The following LPIN1 variants were observed in gnomAD, a reference collection of about 807,000 sequenced individuals.
The protein encoded by LPIN1 is lipin 1, also known as phosphatidate phosphatase LPIN1.
A neutral mutation model predicts 107.5 loss-of-function variants in LPIN1; 71 were observed. That is an observed-to-expected ratio of 0.66 (90% CI 0.55 to 0.80). The LOEUF (loss-of-function observed/expected upper bound fraction) is 0.80. Among genes scored for constraint, LPIN1 ranks in the 30% least tolerant of loss-of-function variants. LPIN1 has a pLI of 0.00. For synonymous variants in LPIN1, 445 were observed against 452.6 expected (o/e 0.98, Z 0.21); for missense variants, 1,043 against 1,160.6 (o/e 0.90, Z 1.47).
chr2:11,678,212 A>G (rs929719562), intron 1 of LPIN1, among the ~76,000 whole-genome samples: 1 of 152,186 alleles, frequency 6.6e-6, no homozygotes, highest in African/African-American at 2.4e-5. Context: ...GTGGACCCCA[A>G]AGCCAGCGGC....
chr2:11,727,616 C>G (rs182862434), intron 1 of LPIN1, among the ~76,000 whole-genome samples: 187 of 152,298 alleles, frequency 1.2e-3, no homozygotes, highest in Non-Finnish European at 2.3e-3. Flanking sequence ...TACACACATG[C>G]ACCTCTACTT....
chr2:11,788,190 A>G (rs1674996597), intron 11 of LPIN1, among the ~76,000 whole-genome samples, 197 bp from the exon 12 acceptor site: 1 of 152,176 alleles, frequency 6.6e-6, no homozygotes, highest in African/African-American at 2.4e-5. Context: ...CTGGGCCCTC[A>G]ACTGGCCGCT....
intron 1 of LPIN1, among the ~76,000 whole-genome samples, chr2:11,708,668 G>C (rs60118851): frequency 0.24 from 36,365 of 152,034 alleles, 4,552 homozygotes; most frequent in South Asian, 0.29. Context: ...TGGCCAGTTA[G>C]GTACCCTTGC....
chr2:11,789,189 G>A (rs950130484), intron 12 of LPIN1, among the ~76,000 whole-genome samples: 8 of 152,208 alleles, frequency 5.3e-5, no homozygotes, highest in African/African-American at 1.7e-4. Context: ...TGTTGCCGTC[G>A]GTCAGCCAGT....
At chr2:11,736,362 T>C (rs1665793127) in intron 1 of LPIN1, among the ~76,000 whole-genome samples, 1 of 152,234 alleles carries the variant, frequency 6.6e-6, no homozygotes, top group South Asian at 2.1e-4. Context: ...TGATGTCCAC[T>C]TTCCTTGGCT....
intron 1 of LPIN1, among the ~76,000 whole-genome samples, chr2:11,688,909 A>C (rs1558718725): frequency 6.6e-6 from 1 of 152,210 alleles, no homozygotes; most frequent in Non-Finnish European, 1.5e-5. Flanking sequence ...TGGTGAAGCA[A>C]GACGGGATCA....
At chr2:11,785,172 T>C (rs1185384417) in intron 10 of LPIN1, 96 bp downstream of exon 10, 2 of 946,428 alleles carry the variant, frequency 2.1e-6, no homozygotes, top group Admixed American at 2.9e-5. Flanking sequence ...AGGCAGCTTT[T>C]CCCTTGGTTG....
intron 10 of LPIN1, among the ~76,000 whole-genome samples, chr2:11,785,739 C>G (rs1674456151): frequency 6.6e-6 from 1 of 152,176 alleles, no homozygotes; most frequent in Non-Finnish European, 1.5e-5. Flanking sequence ...TTCCCTCTAC[C>G]TCTCAGGAGC....
rs77911316 is a variant in LPIN1, at chr2:11,812,255, T to A, written c.2250-2833T>A. On this transcript the variant is annotated intron_variant, in intron 17 of 20. Transcript: ENST00000674199. ...ATGTCTGCTACATGCCAAGCACTGTTTTTGGCACGGGGGTTGTAGCAAAGA... is the reference window on the plus strand; with the variant it reads ...ATGTCTGCTACATGCCAAGCACTGTATTTGGCACGGGGGTTGTAGCAAAGA... 1.4e-3 allele frequency among the ~76,000 whole-genome samples: 219 copies of A among 152,322 alleles called. 2 individuals are homozygous for A. The East Asian group carries it at 0.038, about 26-fold the overall frequency.
intron 10 of LPIN1, among the ~76,000 whole-genome samples, chr2:11,785,360 T>G (rs1208024573): frequency 6.6e-6 from 1 of 151,160 alleles, no homozygotes. Context: ...CTAGAGGGGG[T>G]GTCAGTCTAA....
Position 11,774,615 on chromosome 2 carries a change from G to A in LPIN1, c.722+870G>A, listed in dbSNP as rs1031791976. On this transcript the variant is annotated intron_variant, in intron 5 of 20. Transcript: ENST00000674199. This position sits in a 1 kb window ranked among gnomAD's most constrained non-coding sequence, Gnocchi z 4.4. The stretch of plus-strand genomic sequence containing the variant: ...TTCGTATACCTCATGCTTTAGATTC[G>A]CTTCTGGTTCATGGTGCCAGCCCTT... 4.6e-5 allele frequency among the ~76,000 whole-genome samples: 7 copies of A among 152,232 alleles called. No homozygotes were observed. The South Asian group carries it at 6.2e-4, about 14-fold the overall frequency.
chr2:11,703,954 A>C (rs1472604467), intron 1 of LPIN1, among the ~76,000 whole-genome samples: 1 of 152,182 alleles, frequency 6.6e-6, no homozygotes, highest in Non-Finnish European at 1.5e-5. Context: ...CTGGCCTGGA[A>C]GGGTCAGGAT....
chr2:11,741,350 T>C (rs1478042540), exon 2 of LPIN1: 2 of 1,543,736 alleles, frequency 1.3e-6, no homozygotes, highest in Non-Finnish European at 1.7e-6. Flanking sequence ...TGTCCACAGG[T>C]AACTCTGAAG....
chr2:11,705,131 C>A (rs1455998669), intron 1 of LPIN1, among the ~76,000 whole-genome samples: 5 of 152,200 alleles, frequency 3.3e-5, no homozygotes, highest in African/African-American at 4.8e-5. Flanking sequence ...CATCTCCAGC[C>A]CCCTCCCATA....
intron 2 of LPIN1, among the ~76,000 whole-genome samples, chr2:11,766,332 C>T (rs1385422760): frequency 6.6e-6 from 1 of 152,122 alleles, no homozygotes; most frequent in Admixed American, 6.5e-5. Flanking sequence ...GAGAAATAGG[C>T]TTTTCTTGGT....
rs555857148 is a variant in LPIN1, at chr2:11,789,186, G to A, written c.1713+730G>A. The stretch of plus-strand genomic sequence containing the variant: ...CTTTTGTATGGCTTAGGATGTTGCC[G>A]TCGGTCAGCCAGTTCAAACACTTGA... On this transcript the variant is annotated intron_variant, in intron 12 of 20. Transcript: ENST00000674199. Among the ~76,000 whole-genome samples the A allele has an allele frequency of 2.3e-3, 356 of 152,338 alleles. 2 individuals are homozygous for A. The highest frequency in any genetic ancestry group is 8.1e-3 in the African/African-American group (337 of 41,580).
intron 17 of LPIN1, 179 bp downstream of exon 17, chr2:11,805,335 G>A (rs1414314499): frequency 1.5e-6 from 1 of 667,196 alleles, no homozygotes; most frequent in Non-Finnish European, 2.7e-6. Flanking sequence ...GTGAATCCCA[G>A]CAACTCCAAA....
At chr2:11,711,704 C>T (rs1644512593) in intron 1 of LPIN1, among the ~76,000 whole-genome samples, 1 of 152,192 alleles carries the variant, frequency 6.6e-6, no homozygotes, top group Non-Finnish European at 1.5e-5. Context: ...CAGAGCTCAT[C>T]TTCCTCTTTG....
intron 1 of LPIN1, among the ~76,000 whole-genome samples, chr2:11,680,603 G>A (rs1160459329): frequency 6.6e-6 from 1 of 152,204 alleles, no homozygotes; most frequent in East Asian, 1.9e-4. Flanking sequence ...GGCCTTGGAG[G>A]AGGAATAGGA....
Sources: allele counts gnomAD v4.1 joint callset (sites outside exome capture counted in the v4.1 genomes callset), GRCh38; gene constraint gnomAD v4.1.1; non-coding constraint Gnocchi (gnomAD v3.1); transcripts MANE v1.5; gene names NCBI Gene and HGNC (gene_info 2026-07-23, HGNC 2026-07-21).